The following STAM2 variants were observed in gnomAD, a reference collection of about 807,000 sequenced individuals.
The protein encoded by STAM2 is signal transducing adaptor molecule 2.
A neutral mutation model predicts 65.6 loss-of-function variants in STAM2; 51 were observed. That is an observed-to-expected ratio of 0.78 (90% CI 0.62 to 0.98). The LOEUF is 0.98. Among genes scored for constraint, STAM2 ranks in the 50% least tolerant of loss-of-function variants. The pLI is 0.00. For missense variants in STAM2, 584 were observed against 617.8 expected (o/e 0.95, Z 0.58); for synonymous variants, 198 against 208.4 (o/e 0.95, Z 0.43).
intron 1 of STAM2, among the ~76,000 whole-genome samples, chr2:152,164,930 T>C (rs1408374070): frequency 1.3e-5 from 2 of 152,182 alleles, no homozygotes; most frequent in African/African-American, 4.8e-5. Context: ...GTTCACTTTC[T>C]TCTTGGCTGA....
chr2:152,133,189 G>A lies in STAM2; in HGVS notation c.954C>T (p.Asp318=). The stretch of plus-strand genomic sequence containing the variant: ...ACTAAGTACCTTCTAAATCCAAAAG[G>A]TCTTGGGAGTCTGGTTTTGAATCTG... ...DPTDSKPDSQ[D]LLDLEDICQQ... Residue 318 remains aspartate, a synonymous_variant, in exon 10 of 14, where the codon GAC becomes GAT. Transcript: ENST00000263904. 1 of 1,592,636 alleles carries A rather than the reference G, an allele frequency of 6.3e-7. No individual in the cohort carries two copies. The highest frequency in any genetic ancestry group is 8.6e-7 in the Non-Finnish European group (1 of 1,169,010).
At chr2:152,175,544 G>A (rs987590518) in intron 1 of STAM2, 59 bp downstream of exon 1, 13 of 1,607,532 alleles carry the variant, frequency 8.1e-6, no homozygotes, top group African/African-American at 1.3e-5. Flanking sequence ...CTTTCTAGCC[G>A]GACAAACAGC....
intron 6 of STAM2, among the ~76,000 whole-genome samples, chr2:152,144,434 T>A (rs893922335): frequency 2.6e-5 from 4 of 152,178 alleles, no homozygotes; most frequent in African/African-American, 9.7e-5. Flanking sequence ...TAGCATGTCA[T>A]TTGTTTTCCT....
At chr2:152,151,867 A>G (rs1689452262) in intron 1 of STAM2, among the ~76,000 whole-genome samples, 1 of 152,240 alleles carries the variant, frequency 6.6e-6, no homozygotes, top group Non-Finnish European at 1.5e-5. Context: ...TTATGGCTAA[A>G]TAATATTCCA....
intron 1 of STAM2, among the ~76,000 whole-genome samples, chr2:152,163,303 C>T (rs1475402124): frequency 1.3e-5 from 2 of 152,190 alleles, no homozygotes; most frequent in Non-Finnish European, 1.5e-5. Flanking sequence ...AATCTCTGAA[C>T]ATAAATTATG....
chr2:152,122,902 C>G (rs1458474530), intron 13 of STAM2, among the ~76,000 whole-genome samples: 1 of 151,542 alleles, frequency 6.6e-6, no homozygotes, highest in East Asian at 1.9e-4. Flanking sequence ...CCCACCTTGA[C>G]AAAAAAATAC....
intron 13 of STAM2, 113 bp downstream of exon 13, chr2:152,123,653 G>C: frequency 9.4e-7 from 1 of 1,063,648 alleles, no homozygotes; most frequent in Non-Finnish European, 1.4e-6. Context: ...CCACTTCACA[G>C]GATTATGAAT....
At chr2:152,168,644 A>T (rs1397999002) in intron 1 of STAM2, among the ~76,000 whole-genome samples, 1 of 152,254 alleles carries the variant, frequency 6.6e-6, no homozygotes. Flanking sequence ...AGGAATAAAA[A>T]TATATTTTAA....
chr2:152,147,227 GACTAA>G lies in STAM2; in HGVS notation c.377_381del (p.Phe126SerfsTer7), dbSNP rs1254871625. 2 of 1,611,544 alleles carry G rather than the reference GACTAA, an allele frequency of 1.2e-6. No individual in the cohort carries two copies. The highest frequency in any genetic ancestry group is 2.7e-5 in the African/African-American group (2 of 74,720). The stretch of plus-strand genomic sequence containing the variant: ...ATAGATTTAATAGTTGCAGATATCA[GACTAA>G]ACTGAGGGTCCTTCTGAAATTCTTC... On this transcript the variant is annotated frameshift_variant, in exon 5 of 14. Coordinates refer to ENST00000263904, the MANE Select transcript of STAM2 (RefSeq NM_005843.6). LOFTEE classifies it high-confidence loss of function.
At chr2:152,155,983 A>C (rs1418092496) in intron 1 of STAM2, among the ~76,000 whole-genome samples, 1 of 152,162 alleles carries the variant, frequency 6.6e-6, no homozygotes, top group African/African-American at 2.4e-5. Context: ...ATGAGTATGG[A>C]TATGTATGAG....
Position 152,143,981 on chromosome 2 carries a change from G to A in STAM2, c.550C>T (p.Gln184Ter). 1.2e-6 allele frequency: 2 copies of A among 1,612,672 alleles called. No individual in the cohort carries two copies. Among genetic ancestry groups the A allele is most frequent in the Non-Finnish European group, 1.7e-6 (2 of 1,179,678 alleles). Reference protein sequence around the residue: ...IELSLQEQKQQHTETKSLYPS... With the variant: ...IELSLQEQKQ Reference sequence around the variant, plus strand: ...TATAAGGATTTTGTTTCTGTGTGTTGCTGTTTCTGTTCTTGCAGCGATAAT... The same window carrying A: ...TATAAGGATTTTGTTTCTGTGTGTTACTGTTTCTGTTCTTGCAGCGATAAT... Residue 184 changes from glutamine to a stop codon, truncating the protein, a stop_gained, in exon 7 of 14, where the codon CAA becomes TAA. Coordinates refer to ENST00000263904, the MANE Select transcript of STAM2 (RefSeq NM_005843.6). LOFTEE classifies it high-confidence loss of function.
chr2:152,144,026 A>C lies in STAM2; in HGVS notation c.518-13T>G. 1 of 1,592,392 alleles carries C rather than the reference A, an allele frequency of 6.3e-7. No individual in the cohort carries two copies. On this transcript the variant is annotated splice_polypyrimidine_tract_variant and intron_variant, in intron 6 of 13. Coordinates refer to ENST00000263904, the MANE Select transcript of STAM2 (RefSeq NM_005843.6). ...GATAATTCAATAGCTAGTTTCAAAAATTAAAATGCAAAGAAACTGGAATTA... is the reference window on the plus strand; with the variant it reads ...GATAATTCAATAGCTAGTTTCAAAACTTAAAATGCAAAGAAACTGGAATTA...
chr2:152,143,603 A>C (rs1376463131), intron 7 of STAM2, among the ~76,000 whole-genome samples: 1 of 152,244 alleles, frequency 6.6e-6, no homozygotes. Context: ...ATTATTTAAT[A>C]CATCTTTCAT....
At position 152,144,930 on chromosome 2, in the gene STAM2, T is replaced by C; in HGVS notation, c.475A>G (p.Thr159Ala). ...QTVSAAAKNG[T>A]SSNKNKEDED... ...TCCTCTTTGTTTTTGTTCGATGACG[T>C]ACCATTCTTGGCAGCAGCTGAGACA... Residue 159 changes from threonine (T) to alanine (A), a missense_variant, in exon 6 of 14, where the codon ACG (threonine) becomes GCG (alanine). Transcript: ENST00000263904. The C allele has an allele frequency of 6.2e-7, 1 of 1,614,004 alleles. No homozygotes were observed. The highest frequency in any genetic ancestry group is 8.5e-7 in the Non-Finnish European group (1 of 1,179,872).
chr2:152,162,406 C>A (rs943893555), intron 1 of STAM2, among the ~76,000 whole-genome samples: 5 of 151,470 alleles, frequency 3.3e-5, no homozygotes, highest in African/African-American at 1.2e-4. Flanking sequence ...AGATCCCTCA[C>A]CTCTTAAAAA....
rs536295674 is a variant in STAM2, at chr2:152,146,024, C to CTT, written c.448-1069_448-1068dup. On this transcript the variant is annotated intron_variant, in intron 5 of 13. Coordinates refer to ENST00000263904, the MANE Select transcript of STAM2 (RefSeq NM_005843.6). ...GTGGCTCATGCCTGTAATCCCAGCA[C>CTT]TTTGAGAGGTCGAGGCAGGTGGATC... Among the ~76,000 whole-genome samples the CTT allele has an allele frequency of 7.9e-5, 12 of 152,186 alleles. No homozygotes were observed. The South Asian group carries it at 2.5e-3, about 32-fold the overall frequency.
At position 152,120,520 on chromosome 2, in the gene STAM2, C is replaced by G. The variant is rs1405091196; in HGVS notation, c.*54G>C. The G allele has an allele frequency of 3.3e-6, 5 of 1,500,090 alleles. No homozygotes were observed. The highest frequency in any genetic ancestry group is 3.7e-6 in the Non-Finnish European group (4 of 1,083,812). The allele number at this position is 1,500,090 out of a possible 1,614,324, so 92.9% of individuals were successfully genotyped here. On this transcript the variant is annotated 3_prime_UTR_variant, in exon 14 of 14. Transcript: ENST00000263904. Reference sequence around the variant, plus strand: ...TTTTAATATTTTCAGGTTGGTATCACAAGGACTGAATAATACACTTATGAA... The same window carrying G: ...TTTTAATATTTTCAGGTTGGTATCAGAAGGACTGAATAATACACTTATGAA...
intron 5 of STAM2, among the ~76,000 whole-genome samples, chr2:152,145,255 G>A (rs1419339204): frequency 6.6e-6 from 1 of 152,132 alleles, no homozygotes; most frequent in Non-Finnish European, 1.5e-5. Flanking sequence ...TTTTTGTAGA[G>A]ACAGGGTCTC....
At chr2:152,168,409 C>T (rs1409196541) in intron 1 of STAM2, among the ~76,000 whole-genome samples, 2 of 152,232 alleles carry the variant, frequency 1.3e-5, no homozygotes, top group South Asian at 4.2e-4. Flanking sequence ...CCGCCCACCT[C>T]GACCTCCCAA....
Sources: allele counts gnomAD v4.1 joint callset (sites outside exome capture counted in the v4.1 genomes callset), GRCh38; gene constraint gnomAD v4.1.1; transcripts MANE v1.5; gene names NCBI Gene and HGNC (gene_info 2026-07-23, HGNC 2026-07-21).